The following HNF4G variants were observed in gnomAD, a reference collection of about 807,000 sequenced individuals.
HNF4G encodes the protein hepatocyte nuclear factor 4-gamma.
Under a neutral mutation model 50.9 loss-of-function variants are expected in HNF4G, and 21 were observed. That is an observed-to-expected ratio of 0.41 (90% confidence interval 0.29 to 0.59). The LOEUF (loss-of-function observed/expected upper bound fraction) is 0.59. Ranked by LOEUF, HNF4G falls within the 20% of genes least tolerant of loss-of-function variation. HNF4G has a pLI of 0.26. For synonymous variants in HNF4G, 198 were observed against 185.6 expected (o/e 1.07, Z -0.54); for missense variants, 527 against 559.4 (o/e 0.94, Z 0.58).
intron 2 of HNF4G, among the ~76,000 whole-genome samples, chr8:75,521,212 C>T (rs1008652258): frequency 6.6e-6 from 1 of 152,046 alleles, no homozygotes; most frequent in East Asian, 1.9e-4. Context: ...AACAAATATT[C>T]CTTAAGTTTT....
chr8:75,477,229 T>C (rs1276411897), intron 1 of HNF4G, among the ~76,000 whole-genome samples: 4 of 152,250 alleles, frequency 2.6e-5, no homozygotes, highest in Admixed American at 2.0e-4. Context: ...ACTTGATATA[T>C]GTATATGTTC....
intron 2 of HNF4G, among the ~76,000 whole-genome samples, chr8:75,495,185 T>G (rs1812736493): frequency 6.6e-6 from 1 of 152,216 alleles, no homozygotes; most frequent in Non-Finnish European, 1.5e-5. Context: ...CTCCTACTCT[T>G]CTCATTGTGT....
intron 1 of HNF4G, among the ~76,000 whole-genome samples, chr8:75,427,582 A>C (rs930715794): frequency 1.3e-5 from 2 of 151,942 alleles, no homozygotes; most frequent in Admixed American, 6.6e-5. Flanking sequence ...GTCTCAAAAA[A>C]AAATAAAATA....
At chr8:75,552,983 A>G in intron 4 of HNF4G, 59 bp from the exon 5 acceptor site, 1 of 1,240,604 alleles carries the variant, frequency 8.1e-7, no homozygotes, top group Non-Finnish European at 1.1e-6. Flanking sequence ...AAAGAAAAAA[A>G]GGGGAATGTT....
chr8:75,490,673 G>GTT (rs1812606073), intron 2 of HNF4G, among the ~76,000 whole-genome samples: 2 of 151,898 alleles, frequency 1.3e-5, no homozygotes, highest in Non-Finnish European at 2.9e-5. Flanking sequence ...GATGGCAAGT[G>GTT]TTTTCTCTCT....
chr8:75,515,854 C>A (rs189134763), intron 2 of HNF4G, among the ~76,000 whole-genome samples: 2 of 151,166 alleles, frequency 1.3e-5, no homozygotes, highest in East Asian at 2.0e-4. Flanking sequence ...CAACCTCCCC[C>A]TCCTGGGTTT....
chr8:75,557,393 G>A (rs778972187), intron 6 of HNF4G, among the ~76,000 whole-genome samples: 3 of 152,222 alleles, frequency 2.0e-5, no homozygotes, highest in Non-Finnish European at 4.4e-5. Context: ...ACAGAGGCAG[G>A]AGGATCACTT....
intron 1 of HNF4G, among the ~76,000 whole-genome samples, chr8:75,466,570 C>CTCCTTCCTTCCT (rs542246055): frequency 7.7e-5 from 5 of 64,932 alleles, no homozygotes; most frequent in Admixed American, 6.3e-4. Flanking sequence ...TCTTTTCTCG[C>CTCCTTCCTTCCT]TCCTTCCTTC....
At chr8:75,422,530 C>T (rs1296547816) in intron 1 of HNF4G, among the ~76,000 whole-genome samples, 2 of 152,012 alleles carry the variant, frequency 1.3e-5, no homozygotes, top group Non-Finnish European at 2.9e-5. Flanking sequence ...CTTTGTAAGG[C>T]TATAGATTTT....
intron 1 of HNF4G, among the ~76,000 whole-genome samples, chr8:75,486,451 G>C (rs569006910): frequency 2.6e-5 from 4 of 152,084 alleles, no homozygotes; most frequent in Non-Finnish European, 4.4e-5. Context: ...TGTTGAATCT[G>C]TGTTATGTAC....
At chr8:75,560,231 A>C in intron 8 of HNF4G, 113 bp from the exon 9 acceptor site, 3 of 1,081,728 alleles carry the variant, frequency 2.8e-6, no homozygotes, top group South Asian at 1.4e-5. Context: ...ATTCCCAAAA[A>C]GCACTTGGCA....
At position 75,540,067 on chromosome 8, in the gene HNF4G, A is replaced by G. The variant is rs756850134; in HGVS notation, c.105A>G (p.Leu35=). The G allele has an allele frequency of 1.9e-6, 3 of 1,558,812 alleles. No individual in the cohort carries two copies. In the South Asian group the frequency reaches 3.3e-5, roughly 17 times the overall value. ...TTLEFETMQI[L]YNSSDSSAPE... ...TGGAGTTTGAAACTATGCAGATTCT[A>G]TATAATTCAAGTGGTGAGTTATCAT... Residue 35 remains leucine, a synonymous_variant, in exon 1 of 10, where the codon CTA becomes CTG. Coordinates refer to ENST00000396423, the MANE Select transcript of HNF4G (RefSeq NM_004133.5).
chr8:75,480,752 C>T (rs1812358554), intron 1 of HNF4G, among the ~76,000 whole-genome samples: 1 of 149,400 alleles, frequency 6.7e-6, no homozygotes, highest in African/African-American at 2.5e-5. Flanking sequence ...AGAATCTCAC[C>T]CAGGCTGGAA....
At chr8:75,474,887 G>C (rs1285164257) in intron 1 of HNF4G, among the ~76,000 whole-genome samples, 1 of 151,840 alleles carries the variant, frequency 6.6e-6, no homozygotes, top group African/African-American at 2.4e-5. Flanking sequence ...TAGTAGATAC[G>C]AGGTGTCACC....
At chr8:75,413,734 G>A (rs905519531) in intron 1 of HNF4G, among the ~76,000 whole-genome samples, 3 of 152,034 alleles carry the variant, frequency 2.0e-5, no homozygotes, top group Non-Finnish European at 4.4e-5. Context: ...GCGGGCGCCT[G>A]TAAGCTCAGC....
upstream of HNF4G, among the ~76,000 whole-genome samples, chr8:75,535,200 T>A: frequency 6.6e-6 from 1 of 151,870 alleles, no homozygotes; most frequent in East Asian, 1.9e-4. Context: ...TGGTAGTGAC[T>A]TGCCTTAAAT....
chr8:75,473,510 G>A (rs1376891252), intron 1 of HNF4G, among the ~76,000 whole-genome samples: 10 of 152,144 alleles, frequency 6.6e-5, no homozygotes, highest in Admixed American at 5.9e-4. Context: ...ATGTTTTGTG[G>A]GAAAATAGTG....
chr8:75,550,394 C>T (rs1806914116), intron 3 of HNF4G, among the ~76,000 whole-genome samples: 1 of 151,954 alleles, frequency 6.6e-6, no homozygotes, highest in African/African-American at 2.4e-5. Context: ...CTCACTCTGA[C>T]CTTCGCCTCT....
At chr8:75,563,694 T>A (rs1159598797) in intron 9 of HNF4G, among the ~76,000 whole-genome samples, 1 of 152,112 alleles carries the variant, frequency 6.6e-6, no homozygotes, top group Non-Finnish European at 1.5e-5. Flanking sequence ...ATCAAATGCT[T>A]ATAAATGCTA....
Sources: allele counts gnomAD v4.1 joint callset (sites outside exome capture counted in the v4.1 genomes callset), GRCh38; gene constraint gnomAD v4.1.1; transcripts MANE v1.5; gene names NCBI Gene and HGNC (gene_info 2026-07-23, HGNC 2026-07-21).